Variants in NCOA3 observed in about 807,000 individuals in gnomAD.
The protein encoded by NCOA3 is CBP-interacting protein.
A neutral mutation model predicts 158.8 loss-of-function variants in NCOA3; 51 were observed. The ratio of observed to expected loss-of-function variants is 0.32; its 90% CI spans 0.26 to 0.41. The LOEUF (loss-of-function observed/expected upper bound fraction) is 0.41. Among genes scored for constraint, NCOA3 ranks in the 10% least tolerant of loss-of-function variants. The pLI is 1.00. For synonymous variants in NCOA3, 537 were observed against 592.4 expected, an observed-to-expected ratio of 0.91 and a Z score of 1.36; for missense variants, 1,510 against 1,746.6, an observed-to-expected ratio of 0.86 and a Z score of 2.41.
rs1217429628 is a variant in NCOA3 at position 47,583,194 on chromosome 20, T to G, written c.-87T>G. 3 of 398,534 alleles carry G rather than the reference T, an allele frequency of 7.5e-6. No homozygotes were observed. The highest frequency in any genetic ancestry group is 1.3e-5 in the Non-Finnish European group (3 of 226,076). 24.7% of individuals were successfully genotyped at this position (398,534 alleles called of 1,614,324 possible). ...CTTTTTGTCCTCAGGATCAAAATAC[T>G]TGCTGGATGGTGGACTCAGAGACCA... is the stretch of plus-strand genomic sequence containing the variant. On this transcript the variant is annotated 5_prime_UTR_variant, in exon 2 of 23. Coordinates refer to ENST00000371998, the MANE Select transcript of NCOA3 (RefSeq NM_181659.3).
At chr20:47,533,724 T>G (rs2084587956) in intron 1 of NCOA3, among the ~76,000 whole-genome samples, 1 of 151,472 alleles carries the variant, frequency 6.6e-6, no homozygotes, top group Non-Finnish European at 1.5e-5. Context: ...AGCCCAGGAG[T>G]TTGAGACCAG....
intron 1 of NCOA3, among the ~76,000 whole-genome samples, chr20:47,537,395 A>G (rs1382837014): frequency 9.8e-5 from 14 of 142,716 alleles, no homozygotes; most frequent in Non-Finnish European, 1.7e-4. Context: ...TAGAAAGGTT[A>G]TAGAATGTAA....
In NCOA3 at chr20:47,639,929, T is replaced by C. The variant is rs2086577086; in HGVS notation, c.2958T>C (p.Pro986=). ...QQQQQMLQMR[P]GEIPMGMGAN... is the part of the protein sequence containing the mutation. ...GCTTTCTTTTTGCTCCCCCAGGGCC[T>C]GGTGAAATCCCCATGGGAATGGGGG... Residue 986 remains proline, a synonymous_variant, in exon 16 of 23, where the codon CCT becomes CCC. Coordinates refer to ENST00000371998, the MANE Select transcript of NCOA3 (RefSeq NM_181659.3). 2 of 1,614,210 alleles carry C rather than the reference T, an allele frequency of 1.2e-6. No homozygotes were observed. The highest frequency in any genetic ancestry group is 4.5e-5 in the East Asian group (2 of 44,878).
intron 1 of NCOA3, among the ~76,000 whole-genome samples, chr20:47,561,326 G>A (rs1413729994): frequency 7.1e-6 from 1 of 141,182 alleles, no homozygotes; most frequent in African/African-American, 2.7e-5. Context: ...AAAGCTACAC[G>A]GTCTCGATCT....
At chr20:47,640,685 C>G (rs541938326) in intron 16 of NCOA3, among the ~76,000 whole-genome samples, 84 of 150,058 alleles carry the variant, frequency 5.6e-4, no homozygotes, top group African/African-American at 2.0e-3. Flanking sequence ...TCGAGACTAT[C>G]CTGGCTAACA....
chr20:47,557,150 AT>A (rs2146171311), intron 1 of NCOA3, among the ~76,000 whole-genome samples: 1 of 152,226 alleles, frequency 6.6e-6, no homozygotes, highest in Non-Finnish European at 1.5e-5. Context: ...TGAAAGTCAA[AT>A]TTTTTGGGTC....
At chr20:47,631,768 C>T (rs374259506) in intron 8 of NCOA3, among the ~76,000 whole-genome samples, 4 of 152,152 alleles carry the variant, frequency 2.6e-5, no homozygotes, top group Admixed American at 1.3e-4. Flanking sequence ...TCCTCATAGG[C>T]GTTATTTTTT....
intron 20 of NCOA3, 125 bp downstream of exon 20, chr20:47,651,401 C>T: frequency 2.1e-6 from 3 of 1,421,820 alleles, no homozygotes; most frequent in South Asian, 1.5e-5. Context: ...ACAAGGAAAA[C>T]CAAATTAATT....
chr20:47,609,482 A>T (rs1169748936), intron 2 of NCOA3, among the ~76,000 whole-genome samples: 1 of 152,176 alleles, frequency 6.6e-6, no homozygotes, highest in Non-Finnish European at 1.5e-5. Flanking sequence ...GTACAGAAAA[A>T]AAGTTCTTTA....
chr20:47,642,413 A>C (rs1406798587), intron 17 of NCOA3, 29 bp downstream of exon 17: 5 of 1,553,496 alleles, frequency 3.2e-6, no homozygotes, highest in Non-Finnish European at 2.6e-6. Flanking sequence ...GAAGTAGGAG[A>C]GTGTATATTT....
intron 2 of NCOA3, among the ~76,000 whole-genome samples, chr20:47,600,438 AGTG>A (rs1287305693): frequency 6.6e-6 from 1 of 151,664 alleles, no homozygotes; most frequent in Non-Finnish European, 1.5e-5. Flanking sequence ...GGCCTCCCAA[AGTG>A]GTGGGATTTC....
chr20:47,551,038 GCATAAAATGGCATTTCCT>G (rs1208445032), intron 1 of NCOA3, among the ~76,000 whole-genome samples: 2 of 151,936 alleles, frequency 1.3e-5, no homozygotes, highest in Non-Finnish European at 2.9e-5. Flanking sequence ...ATACATTCAA[GCATAAAATGGCATTTCCT>G]CATGATTAAA....
At chr20:47,528,387 A>T (rs2084491093) in intron 1 of NCOA3, among the ~76,000 whole-genome samples, 1 of 152,154 alleles carries the variant, frequency 6.6e-6, no homozygotes, top group Non-Finnish European at 1.5e-5. Flanking sequence ...TTCATTATTT[A>T]TTATTACTAA....
intron 2 of NCOA3, among the ~76,000 whole-genome samples, chr20:47,587,299 G>T (rs765386979): frequency 6.6e-6 from 1 of 152,202 alleles, no homozygotes; most frequent in Non-Finnish European, 1.5e-5. Context: ...GTGGGCCGCT[G>T]TGTCCTTGTG....
Position 47,532,795 on chromosome 20 carries a change from T to G in NCOA3, c.-99+30776T>G, listed in dbSNP as rs73308149. Among the ~76,000 whole-genome samples, 770 of 152,208 alleles carry G rather than the reference T, an allele frequency of 5.1e-3. 7 individuals carry two copies. The highest frequency in any genetic ancestry group is 0.017 in the African/African-American group (717 of 41,536). On this transcript the variant is annotated intron_variant, in intron 1 of 22. Transcript: ENST00000371998. ...GCTTCCTGCAGATTTTTTAATTGTATTTTTGGTTATTCCAAAAAGATCATT... is the reference window on the plus strand; with the variant it reads ...GCTTCCTGCAGATTTTTTAATTGTAGTTTTGGTTATTCCAAAAAGATCATT...
At chr20:47,622,200 T>A in intron 2 of NCOA3, 29 bp from the exon 3 acceptor site, 1 of 1,227,608 alleles carries the variant, frequency 8.1e-7, no homozygotes, top group Non-Finnish European at 1.2e-6. Flanking sequence ...TTTAATGTAC[T>A]TATCTTATTT....
chr20:47,517,451 C>CTTTTTTTTTTTTTTTTTTTTTTTT (rs376699406), intron 1 of NCOA3, among the ~76,000 whole-genome samples: 7 of 129,274 alleles, frequency 5.4e-5, no homozygotes, highest in Non-Finnish European at 8.1e-5. Flanking sequence ...TTTTCTTTTT[C>CTTTTTTTTTTTTTTTTTTTTTTTT]TTTTTTTTTT....
chr20:47,533,396 A>G (rs534130159), intron 1 of NCOA3, among the ~76,000 whole-genome samples: 17 of 151,716 alleles, frequency 1.1e-4, no homozygotes, highest in African/African-American at 3.9e-4. Flanking sequence ...GTTCATGTGG[A>G]AAACATGGAA....
At chr20:47,626,205 G>T (rs1602505721) in intron 5 of NCOA3, among the ~76,000 whole-genome samples, 1 of 152,232 alleles carries the variant, frequency 6.6e-6, no homozygotes, top group Non-Finnish European at 1.5e-5. Context: ...AGGGGCTGAA[G>T]CCCTTCATAA....
Sources: allele counts gnomAD v4.1 joint callset (sites outside exome capture counted in the v4.1 genomes callset), GRCh38; gene constraint gnomAD v4.1.1; transcripts MANE v1.5; gene names NCBI Gene and HGNC (gene_info 2026-07-23, HGNC 2026-07-21).